LRRC4C: variants seen among roughly 807,000 people sequenced by gnomAD.
The protein encoded by LRRC4C is leucine-rich repeat-containing protein 4C.
Under a neutral mutation model 33.6 loss-of-function variants are expected in LRRC4C, and 5 were observed. The ratio of observed to expected loss-of-function variants is 0.15; its 90% confidence interval spans 0.08 to 0.31. LRRC4C has a LOEUF of 0.31. Among genes scored for constraint, LRRC4C ranks in the 10% least tolerant of loss-of-function variants. The pLI, the probability that LRRC4C is intolerant of heterozygous loss-of-function variation, is 1.00. For missense variants in LRRC4C, 560 were observed against 796.7 expected, an observed-to-expected ratio of 0.70 and a Z score of 3.58; for synonymous variants, 329 against 302.0, an observed-to-expected ratio of 1.09 and a Z score of -0.93.
At chr11:41,162,070 T>G (rs2136033756) in intron 1 of LRRC4C, among the ~76,000 whole-genome samples, 1 of 152,220 alleles carries the variant, frequency 6.6e-6, no homozygotes, top group Non-Finnish European at 1.5e-5. Flanking sequence ...CCTCATGAGG[T>G]AAGAGATTTT....
intron 1 of LRRC4C, among the ~76,000 whole-genome samples, chr11:41,333,755 C>T (rs942478756): frequency 6.6e-6 from 1 of 152,144 alleles, no homozygotes; most frequent in African/African-American, 2.4e-5. Flanking sequence ...TTTTATTTTG[C>T]AGCCTGAAAA....
chr11:40,972,049 C>A (rs1851760727), intron 1 of LRRC4C, among the ~76,000 whole-genome samples: 1 of 151,908 alleles, frequency 6.6e-6, no homozygotes, highest in Non-Finnish European at 1.5e-5. Context: ...ATGGGACTAG[C>A]CTTTTCTTAA....
chr11:41,443,760 T>A (rs931951195), intron 1 of LRRC4C, among the ~76,000 whole-genome samples: 1 of 149,292 alleles, frequency 6.7e-6, no homozygotes, highest in African/African-American at 2.5e-5. Context: ...GGATTACAGG[T>A]GCCCACCACC....
At chr11:40,875,450 A>G (rs1039855544) in intron 2 of LRRC4C, among the ~76,000 whole-genome samples, 1 of 152,182 alleles carries the variant, frequency 6.6e-6, no homozygotes, top group East Asian at 1.9e-4. Flanking sequence ...CGTTACATGC[A>G]CTGATTTCCC....
intron 3 of LRRC4C, among the ~76,000 whole-genome samples, chr11:40,427,742 A>T (rs1279083892): frequency 6.6e-6 from 1 of 152,098 alleles, no homozygotes. Flanking sequence ...AGGTGGGAGG[A>T]TCACTTGAGT....
chr11:40,721,319 A>T (rs1947003274), intron 2 of LRRC4C, among the ~76,000 whole-genome samples: 1 of 152,200 alleles, frequency 6.6e-6, no homozygotes, highest in Non-Finnish European at 1.5e-5. Flanking sequence ...CCCTATAAGG[A>T]TATGAGGATA....
chr11:40,330,772 C>T (rs1403215628), intron 3 of LRRC4C, among the ~76,000 whole-genome samples: 3 of 152,130 alleles, frequency 2.0e-5, no homozygotes, highest in African/African-American at 7.2e-5. Context: ...CACTGGGTCC[C>T]TCCCATGACA....
chr11:41,391,593 T>C (rs768535310), intron 1 of LRRC4C, among the ~76,000 whole-genome samples: 1 of 151,944 alleles, frequency 6.6e-6, no homozygotes, highest in African/African-American at 2.4e-5. Flanking sequence ...GATTATTTTC[T>C]ACATCATTTC....
At chr11:40,140,030 C>G (rs901503228) in intron 6 of LRRC4C, among the ~76,000 whole-genome samples, 2 of 152,148 alleles carry the variant, frequency 1.3e-5, no homozygotes, top group Admixed American at 1.3e-4. Flanking sequence ...GTGTGTCAGG[C>G]ACTGTACCAG....
Position 40,509,203 on chromosome 11 carries a change from T to C in LRRC4C, c.-270+138939A>G, listed in dbSNP as rs796590852. Among the ~76,000 whole-genome samples the C allele has an allele frequency of 7.2e-5, 11 of 152,298 alleles. No individual in the cohort carries two copies. In the South Asian group the frequency reaches 2.3e-3, roughly 32 times the overall value. On this transcript the variant is annotated intron_variant, in intron 3 of 6. Coordinates refer to ENST00000528697, the MANE Select transcript of LRRC4C (RefSeq NM_001258419.2). ...GTGTTTCATGTAGTCATTAAAATAA[T>C]TCTGCAGGAAATCAGAAATTCTACT...
intron 3 of LRRC4C, among the ~76,000 whole-genome samples, chr11:40,523,695 G>T (rs968125010): frequency 7.9e-5 from 12 of 151,800 alleles, no homozygotes; most frequent in African/African-American, 2.9e-4. Context: ...CTCTCCAATG[G>T]GAAAAGTGCT....
At chr11:40,911,004 C>T (rs911544886) in intron 2 of LRRC4C, among the ~76,000 whole-genome samples, 8 of 152,170 alleles carry the variant, frequency 5.3e-5, no homozygotes, top group South Asian at 4.1e-4. Context: ...GGGGGAGGGG[C>T]GCCTGCCATT....
At chr11:41,386,813 A>C (rs1419292754) in intron 1 of LRRC4C, among the ~76,000 whole-genome samples, 1 of 151,714 alleles carries the variant, frequency 6.6e-6, no homozygotes, top group Non-Finnish European at 1.5e-5. Context: ...GGTGCTGACA[A>C]AGTTTGTATG....
chr11:40,630,292 T>C (rs1185529425), intron 3 of LRRC4C, among the ~76,000 whole-genome samples: 13 of 151,946 alleles, frequency 8.6e-5, no homozygotes, highest in Admixed American at 8.5e-4. Flanking sequence ...AGAACTTTAA[T>C]ACAGTCCCTT....
At chr11:40,909,627 T>A (rs1429180238) in intron 2 of LRRC4C, among the ~76,000 whole-genome samples, 2 of 152,108 alleles carry the variant, frequency 1.3e-5, no homozygotes, top group Non-Finnish European at 2.9e-5. Context: ...TGAGTTATTA[T>A]CTTCTCTTGA....
chr11:40,612,153 A>G (rs1419311786), intron 3 of LRRC4C, among the ~76,000 whole-genome samples: 1 of 151,922 alleles, frequency 6.6e-6, no homozygotes, highest in African/African-American at 2.4e-5. Context: ...GTCCACTAAC[A>G]CATGAGTAGA....
chr11:41,028,171 TA>T (rs538356571), intron 1 of LRRC4C, among the ~76,000 whole-genome samples: 175 of 151,546 alleles, frequency 1.2e-3, no homozygotes, highest in African/African-American at 4.2e-3. Context: ...CATTTTTTTT[TA>T]AAGCTATATT....
At chr11:41,332,686 T>C (rs1305027742) in intron 1 of LRRC4C, among the ~76,000 whole-genome samples, 3 of 152,250 alleles carry the variant, frequency 2.0e-5, no homozygotes, top group Non-Finnish European at 4.4e-5. Context: ...TTTATCCTTC[T>C]TTTCAACAAT....
At chr11:40,748,017 A>C (rs1307246908) in intron 2 of LRRC4C, among the ~76,000 whole-genome samples, 2 of 152,184 alleles carry the variant, frequency 1.3e-5, no homozygotes, top group African/African-American at 4.8e-5. Context: ...AAACTTCCCA[A>C]GTCTAGCAAG....
Sources: gnomAD v4.1 joint callset for allele counts (sites outside exome capture counted in the v4.1 genomes callset) on GRCh38, gnomAD v4.1.1 for gene constraint, MANE v1.5 for transcripts, NCBI Gene and HGNC (gene_info 2026-07-23, HGNC 2026-07-21) for gene names.